Variants in CARHSP1 observed in about 807,000 individuals in gnomAD.
The protein encoded by CARHSP1 is calcium-regulated heat-stable protein 1.
CARHSP1 carries 14 observed loss-of-function variants against 12.5 expected under a neutral mutation model. The ratio of observed to expected loss-of-function variants is 1.12; its 90% CI spans 0.74 to 1.75. CARHSP1 has a LOEUF of 1.75. Among genes scored for constraint, CARHSP1 ranks in the 40% most tolerant of loss-of-function variants. CARHSP1 has a pLI of 0.00. For synonymous variants in CARHSP1, 161 were observed against 82.0 expected (o/e 1.96, Z -5.20); for missense variants, 343 against 201.6 (o/e 1.70, Z -4.25).
chr16:8,865,471 G>A (rs1375425850), intron 1 of CARHSP1, among the ~76,000 whole-genome samples: 2 of 152,180 alleles, frequency 1.3e-5, no homozygotes, highest in African/African-American at 4.8e-5. Context: ...GAAGGCAGGG[G>A]GATAAGAGTT....
intron 3 of CARHSP1, chr16:8,858,128 C>G (rs905787997): frequency 1.7e-6 from 1 of 584,230 alleles, no homozygotes; most frequent in African/African-American, 1.9e-5. Context: ...ACCGTGTCGC[C>G]CCCAGCCTCA....
At chr16:8,856,699 CGGG>C (rs2061123497) in intron 3 of CARHSP1, among the ~76,000 whole-genome samples, 1 of 152,096 alleles carries the variant, frequency 6.6e-6, no homozygotes, top group Non-Finnish European at 1.5e-5. Context: ...TCCGTGTTAG[CGGG>C]TATGCTGTGC....
intron 1 of CARHSP1, among the ~76,000 whole-genome samples, chr16:8,866,017 A>G (rs1328005494): frequency 6.6e-6 from 1 of 152,052 alleles, no homozygotes; most frequent in Non-Finnish European, 1.5e-5. Flanking sequence ...TTGGTGGCAC[A>G]ATCATGGCTC....
At position 8,859,544 on chromosome 16, in the gene CARHSP1, G is replaced by A. The variant is rs138964168; in HGVS notation, c.-7-209C>T. ...CAACCGTGGGGCCCCCTCGATCATA[G>A]CTCTTCATGAAAATGCCACATCCTC... On this transcript the variant is annotated intron_variant, in intron 1 of 3. Transcript: ENST00000311052. Among the ~76,000 whole-genome samples the A allele has an allele frequency of 3.2e-3, 486 of 151,996 alleles. 1 individual carries two copies. The highest frequency in any genetic ancestry group is 0.011 in the African/African-American group (454 of 41,480).
intron 1 of CARHSP1, chr16:8,860,344 G>C (rs917157077): frequency 4.1e-6 from 4 of 985,434 alleles, no homozygotes; most frequent in Non-Finnish European, 4.8e-6. Flanking sequence ...GTGACCCCTA[G>C]TATGTACCGG....
chr16:8,859,471 C>T (rs532393345), intron 1 of CARHSP1, 136 bp from the exon 2 acceptor site: 1 of 799,508 alleles, frequency 1.3e-6, no homozygotes, highest in Admixed American at 2.9e-5. Flanking sequence ...GTCACCTTGT[C>T]TGGGAGCACG....
At chr16:8,858,511 C>A (rs371399625) in intron 2 of CARHSP1, 39 bp from the exon 3 acceptor site, 12 of 1,605,104 alleles carry the variant, frequency 7.5e-6, no homozygotes, top group Non-Finnish European at 1.0e-5. Context: ...CCCATCAGCG[C>A]TCCTGGGCAC....
At chr16:8,858,571 G>GC in intron 2 of CARHSP1, 99 bp from the exon 3 acceptor site, 1 of 1,432,930 alleles carries the variant, frequency 7.0e-7, no homozygotes, top group Non-Finnish European at 9.4e-7. Context: ...TCAAGCCCTG[G>GC]CCAGGACCGC....
At position 8,858,361 on chromosome 16, in the gene CARHSP1, C is replaced by T. The variant is rs755656738; in HGVS notation, c.270G>A (p.Leu90=). The T allele has an allele frequency of 3.1e-6, 5 of 1,613,744 alleles. No individual in the cohort carries two copies. Among genetic ancestry groups the T allele is most frequent in the African/African-American group, 1.3e-5 (1 of 75,044 alleles). The change falls in exon 3 of 4, where the codon CTG becomes CTA. Residue 90 remains leucine, a synonymous_variant. Transcript: ENST00000311052. ...TGCCGCTGACTCACTCAGAGATGTG[C>T]AGGAAGATGTCGGGGCCGCCATCAG... The part of the protein sequence containing the change: ...TPADGGPDIF[L]HISDVEGEYV...
At chr16:8,860,078 C>T in intron 1 of CARHSP1, 1 of 942,780 alleles carries the variant, frequency 1.1e-6, no homozygotes, top group Non-Finnish European at 1.3e-6. Context: ...AGCCAGACAC[C>T]ACAGGGAAGC....
chr16:8,868,946 C>A lies in CARHSP1; in HGVS notation c.-8+20G>T, dbSNP rs552563820. On this transcript the variant is annotated intron_variant, in intron 1 of 3. Coordinates refer to ENST00000311052, the MANE Select transcript of CARHSP1 (RefSeq NM_014316.4). ...GGGCCAGGGGCGCCTATCCTGGGGTCCCCGAGAAGAGCTCCCTACCCTGCA... is the reference window on the plus strand; with the variant it reads ...GGGCCAGGGGCGCCTATCCTGGGGTACCCGAGAAGAGCTCCCTACCCTGCA... 6.6e-6 allele frequency: 1 copy of A among 152,158 alleles called. No homozygotes were observed. The highest frequency in any genetic ancestry group is 6.5e-5 in the Admixed American group (1 of 15,294). The allele number at this position is 152,158 out of a possible 1,614,324, so 9.4% of individuals were successfully genotyped here.
At chr16:8,865,195 C>T (rs978066123) in intron 1 of CARHSP1, among the ~76,000 whole-genome samples, 49 of 152,148 alleles carry the variant, frequency 3.2e-4, no homozygotes, top group Non-Finnish European at 3.8e-4. Flanking sequence ...TGCAGACCCC[C>T]GCCCCCCAGG....
intron 1 of CARHSP1, among the ~76,000 whole-genome samples, chr16:8,864,578 GGAGT>G (rs1351101571): frequency 2.0e-5 from 3 of 152,210 alleles, no homozygotes; most frequent in Non-Finnish European, 4.4e-5. Flanking sequence ...GGTGAAATAC[GGAGT>G]AAGTCAGACA....
In CARHSP1 at chr16:8,859,322, A is replaced by G. The variant is rs1567184839; in HGVS notation, c.7T>C (p.Ser3Pro). The change falls in exon 2 of 4, where the codon TCT (serine) becomes CCT (proline). Residue 3 changes from serine to proline, a missense_variant. Coordinates refer to ENST00000311052, the MANE Select transcript of CARHSP1 (RefSeq NM_014316.4). MSSEPPPPPQPPT... is the reference protein window; with the variant it reads MSPEPPPPPQPPT... Reference sequence around the variant, plus strand: ...GGCTGTGGTGGTGGGGGAGGCTCAGATGACATGGCTGACCTGGAAAGAGAA... The same window carrying G: ...GGCTGTGGTGGTGGGGGAGGCTCAGGTGACATGGCTGACCTGGAAAGAGAA... The G allele has an allele frequency of 6.2e-7, 1 of 1,600,946 alleles. No individual in the cohort carries two copies. The highest frequency in any genetic ancestry group is 2.2e-5 in the East Asian group (1 of 44,706).
At chr16:8,858,056 C>T (rs2061205426) in intron 3 of CARHSP1, 1 of 387,582 alleles carries the variant, frequency 2.6e-6, no homozygotes, top group South Asian at 2.9e-5. Context: ...AGCCACCACG[C>T]CCAGCACACA....
intron 1 of CARHSP1, among the ~76,000 whole-genome samples, chr16:8,866,861 C>A (rs1175027155): frequency 6.6e-6 from 1 of 152,080 alleles, no homozygotes; most frequent in Non-Finnish European, 1.5e-5. Context: ...AAGGTGCAGC[C>A]CGGCGCCTAC....
At chr16:8,867,947 T>G (rs1176118521) in intron 1 of CARHSP1, 1 of 152,104 alleles carries the variant, frequency 6.6e-6, no homozygotes, top group Non-Finnish European at 1.5e-5. Context: ...TTTTCTAAGT[T>G]CCCTCTGGCT....
At chr16:8,863,845 CACAT>C (rs1397315393) in intron 1 of CARHSP1, among the ~76,000 whole-genome samples, 2 of 152,184 alleles carry the variant, frequency 1.3e-5, no homozygotes, top group South Asian at 2.1e-4. Context: ...CCACAATACA[CACAT>C]ACACAAGGAT....
chr16:8,855,038 T>A lies in CARHSP1; in HGVS notation c.*126A>T. ...CCCCCATACCCCTTCCTCCAGGAGATACTTGAGAGGGACCATGCCCGGCTG... is the reference window on the plus strand; with the variant it reads ...CCCCCATACCCCTTCCTCCAGGAGAAACTTGAGAGGGACCATGCCCGGCTG... On this transcript the variant is annotated 3_prime_UTR_variant, in exon 4 of 4. Transcript: ENST00000311052. 1 of 666,044 alleles carries A rather than the reference T, an allele frequency of 1.5e-6. No individual in the cohort carries two copies. The highest frequency in any genetic ancestry group is 2.2e-6 in the Non-Finnish European group (1 of 450,898). 41.3% of individuals were successfully genotyped at this position (666,044 alleles called of 1,614,324 possible).
Sources: allele counts gnomAD v4.1 joint callset (sites outside exome capture counted in the v4.1 genomes callset), GRCh38; gene constraint gnomAD v4.1.1; transcripts MANE v1.5; gene names NCBI Gene and HGNC (gene_info 2026-07-23, HGNC 2026-07-21).